CREBRF: variants seen among roughly 807,000 people sequenced by gnomAD.
The protein encoded by CREBRF is UPF0474 protein C5orf41.
CREBRF carries 5 observed loss-of-function variants against 66.1 expected under a neutral mutation model. The ratio of observed to expected loss-of-function variants is 0.08; its 90% CI spans 0.04 to 0.16. The LOEUF (loss-of-function observed/expected upper bound fraction) is 0.16, where lower values mean the gene tolerates loss of function less well. Among genes scored for constraint, CREBRF ranks in the 10% least tolerant of loss-of-function variants. The probability of loss-of-function intolerance (pLI) is 1.00; values close to 1 mark genes in which losing one functional copy is unlikely to be tolerated. For synonymous variants in CREBRF, 229 were observed against 264.4 expected (o/e 0.87, Z 1.30); for missense variants, 531 against 744.9 (o/e 0.71, Z 3.34).
Position 173,056,463 on chromosome 5 carries a change from C to T in CREBRF, c.-208C>T. On this transcript the variant is annotated 5_prime_UTR_variant, in exon 1 of 9. Coordinates refer to ENST00000296953, the MANE Select transcript of CREBRF (RefSeq NM_153607.3). ...GCGGAACCGGACCCAGTCCCTGAGC[C>T]GCCCCTACACCCACAGGTGAGCGCC... 1 of 398,414 alleles carries T rather than the reference C, an allele frequency of 2.5e-6. No individual in the cohort carries two copies. 24.7% of individuals were successfully genotyped at this position (398,414 alleles called of 1,614,324 possible).
At chr5:173,122,569 T>TTA (rs1759162964) in intron 7 of CREBRF, among the ~76,000 whole-genome samples, 8 of 132,084 alleles carry the variant, frequency 6.1e-5, no homozygotes, top group African/African-American at 8.6e-5. Flanking sequence ...TATTATTTCT[T>TTA]TTATTATTAT....
intron 2 of CREBRF, chr5:173,085,283 C>G (rs1351893157): frequency 4.4e-6 from 3 of 677,096 alleles, no homozygotes; most frequent in Non-Finnish European, 7.5e-6. Flanking sequence ...TTAAACACTG[C>G]TTTTAGTATG....
chr5:173,059,892 G>A (rs1757216159), intron 1 of CREBRF, among the ~76,000 whole-genome samples: 1 of 152,148 alleles, frequency 6.6e-6, no homozygotes, highest in Non-Finnish European at 1.5e-5. Flanking sequence ...AGAGAGTCTG[G>A]ATGCTCCATT....
intron 1 of CREBRF, among the ~76,000 whole-genome samples, chr5:173,070,829 C>T (rs1171947797): frequency 6.6e-6 from 1 of 152,116 alleles, no homozygotes; most frequent in Non-Finnish European, 1.5e-5. Flanking sequence ...GTAATGTCCT[C>T]ATTGTGAAGA....
chr5:173,116,949 G>GGTCTTAACTTTTCATTT, intron 7 of CREBRF, among the ~76,000 whole-genome samples: 1 of 151,488 alleles, frequency 6.6e-6, no homozygotes, highest in South Asian at 2.1e-4. Context: ...ATCTCATTGT[G>GGTCTTAACTTTTCATTT]GTCTTAACTT....
chr5:173,129,595 C>T (rs1328946027), intron 8 of CREBRF, among the ~76,000 whole-genome samples: 2 of 151,404 alleles, frequency 1.3e-5, no homozygotes, highest in Non-Finnish European at 2.9e-5. Context: ...CATGGTGATG[C>T]GAGCCTGTAA....
intron 2 of CREBRF, among the ~76,000 whole-genome samples, chr5:173,084,836 G>A (rs1188030919): frequency 5.3e-5 from 8 of 152,096 alleles, no homozygotes; most frequent in Non-Finnish European, 1.0e-4. Flanking sequence ...TAGTAGAGAC[G>A]GGGTTTCACT....
chr5:173,081,499 G>A (rs191427909), intron 2 of CREBRF, among the ~76,000 whole-genome samples: 19 of 152,240 alleles, frequency 1.2e-4, no homozygotes, highest in Non-Finnish European at 1.0e-4. Context: ...GGGACTCTTG[G>A]GTGGCTTTTT....
At position 173,074,179 on chromosome 5, in the gene CREBRF, G is replaced by A. The variant is rs548969702; in HGVS notation, c.-191-6406G>A. On this transcript the variant is annotated intron_variant, in intron 1 of 8. Transcript: ENST00000296953. ...TAGCCGGGTGTTGTGGCACATGCCT[G>A]TAATCCCACTACTTGGGAGGCTGAG... 4.1e-4 allele frequency among the ~76,000 whole-genome samples: 62 copies of A among 151,338 alleles called. 2 individuals carry two copies. Among genetic ancestry groups the A allele is most frequent in the African/African-American group, 1.4e-3 (59 of 41,200 alleles).
At chr5:173,115,128 CA>C (rs1758958135) in intron 7 of CREBRF, among the ~76,000 whole-genome samples, 1 of 144,234 alleles carries the variant, frequency 6.9e-6, no homozygotes, top group South Asian at 2.2e-4. Flanking sequence ...TTTTTTGAGA[CA>C]GAGTTTCACT....
rs1051991653 is a variant in CREBRF, at chr5:173,136,708, A to G, written c.*2963A>G. On this transcript the variant is annotated 3_prime_UTR_variant, in exon 9 of 9. Transcript: ENST00000296953. The stretch of plus-strand genomic sequence containing the variant: ...TACGTTTAGTGTATCACACAAACCA[A>G]TCTTATAAGGGTAATGTAAAAACCC... The G allele has an allele frequency of 1.3e-5, 2 of 152,466 alleles. No individual in the cohort carries two copies. The highest frequency in any genetic ancestry group is 2.1e-4 in the South Asian group (1 of 4,830). 9.4% of individuals were successfully genotyped at this position (152,466 alleles called of 1,614,324 possible). A position where few individuals can be genotyped will look rare whatever the true frequency, so the allele number is the denominator to read the frequency against.
chr5:173,091,280 G>A lies in CREBRF; in HGVS notation c.1101G>A (p.Glu367=). The A allele has an allele frequency of 6.2e-7, 1 of 1,613,676 alleles. No homozygotes were observed. The highest frequency in any genetic ancestry group is 8.5e-7 in the Non-Finnish European group (1 of 1,179,772). Residue 367 remains glutamate, a synonymous_variant, in exon 4 of 9, where the codon GAG becomes GAA. Coordinates refer to ENST00000296953, the MANE Select transcript of CREBRF (RefSeq NM_153607.3). ...DEEDEEDVDD[E]DHDEGFGSEH... is the part of the protein sequence containing the mutation. ...AGGACGAGGAGGATGTTGATGATGA[G>A]GACCATGATGAAGGATTCGGCAGTG...
chr5:173,079,306 ATGAT>A (rs1757861449), intron 1 of CREBRF, among the ~76,000 whole-genome samples: 1 of 151,972 alleles, frequency 6.6e-6, no homozygotes, highest in African/African-American at 2.4e-5. Flanking sequence ...AAGTAGAACA[ATGAT>A]TGAGTCCCTG....
chr5:173,085,304 C>T (rs1758110986), intron 2 of CREBRF: 1 of 790,722 alleles, frequency 1.3e-6, no homozygotes, highest in Non-Finnish European at 2.0e-6. Flanking sequence ...ATGTCAACAC[C>T]AGCTATGCAG....
chr5:173,116,963 A>G (rs957110314), intron 7 of CREBRF, among the ~76,000 whole-genome samples: 1 of 151,968 alleles, frequency 6.6e-6, no homozygotes, highest in Admixed American at 6.6e-5. Context: ...TTAACTTTTC[A>G]TTTCTCTGAT....
intron 1 of CREBRF, among the ~76,000 whole-genome samples, chr5:173,072,420 C>A (rs1257044436): frequency 6.6e-6 from 1 of 151,958 alleles, no homozygotes; most frequent in Non-Finnish European, 1.5e-5. Context: ...TGACTACAGG[C>A]ACTGGCCACC....
intron 8 of CREBRF, chr5:173,123,452 A>G: frequency 2.8e-6 from 1 of 355,976 alleles, no homozygotes; most frequent in Admixed American, 5.2e-5. Flanking sequence ...ACTTCTAGCA[A>G]CTTTAACCTT....
At chr5:173,057,094 C>T (rs1173440799) in intron 1 of CREBRF, among the ~76,000 whole-genome samples, 5 of 152,146 alleles carry the variant, frequency 3.3e-5, no homozygotes, top group Middle Eastern at 6.8e-3. Flanking sequence ...CGAGGGGCCT[C>T]CCTCCCGGGA....
intron 3 of CREBRF, among the ~76,000 whole-genome samples, chr5:173,089,206 A>T (rs1182006257): frequency 2.0e-5 from 3 of 148,012 alleles, no homozygotes; most frequent in African/African-American, 7.6e-5. Context: ...AAAAAAACCC[A>T]TACACAGACA....
Sources: allele counts gnomAD v4.1 joint callset (sites outside exome capture counted in the v4.1 genomes callset), GRCh38; gene constraint gnomAD v4.1.1; transcripts MANE v1.5; gene names NCBI Gene and HGNC (gene_info 2026-07-23, HGNC 2026-07-21).